The following CLCA4 variants were observed in gnomAD, a reference collection of about 807,000 sequenced individuals.
CLCA4 encodes chloride channel accessory 4.
CLCA4 carries 69 observed loss-of-function variants against 78.9 expected under a neutral mutation model. The observed-to-expected ratio is 0.87, with a 90% confidence interval of 0.72 to 1.07. CLCA4 has a LOEUF of 1.07. CLCA4 is among the 50% of genes least tolerant of loss of function. The probability of loss-of-function intolerance (pLI) is 0.00; values close to 1 mark genes in which losing one functional copy is unlikely to be tolerated. For synonymous variants in CLCA4, 362 were observed against 375.8 expected, an observed-to-expected ratio of 0.96 and a Z score of 0.42; for missense variants, 1,133 against 1,095.8, an observed-to-expected ratio of 1.03 and a Z score of -0.48.
chr1:86,565,182 G>C, intron 4 of CLCA4, 92 bp from the exon 5 acceptor site: 1 of 807,258 alleles, frequency 1.2e-6, no homozygotes, highest in Non-Finnish European at 2.0e-6. Context: ...TAAACATCTT[G>C]ATATAAAGTT....
intron 6 of CLCA4, among the ~76,000 whole-genome samples, chr1:86,566,888 G>C (rs1650207548): frequency 6.6e-6 from 1 of 152,058 alleles, no homozygotes; most frequent in Non-Finnish European, 1.5e-5. Flanking sequence ...GGGGCAGTGA[G>C]AGGTTAGGAA....
In CLCA4 at chr1:86,578,614, T is replaced by C. The variant is rs143748179; in HGVS notation, c.2122+542T>C. The stretch of plus-strand genomic sequence containing the variant: ...GGATAATGGCCTCCAGCTCCATCCA[T>C]GTTCCTGCAAAAGACATGATCTCAC... On this transcript the variant is annotated intron_variant, in intron 12 of 13. Coordinates refer to ENST00000370563, the MANE Select transcript of CLCA4 (RefSeq NM_012128.4). 1.3e-3 allele frequency among the ~76,000 whole-genome samples: 194 copies of C among 152,160 alleles called. 3 individuals are homozygous for C. In the East Asian group the frequency reaches 0.036, roughly 28 times the overall value.
chr1:86,565,545 A>G (rs1220813645), intron 5 of CLCA4, 94 bp downstream of exon 5: 34 of 987,266 alleles, frequency 3.4e-5, no homozygotes, highest in Non-Finnish European at 4.7e-5. Context: ...AGGATTATAT[A>G]TATTGATATA....
chr1:86,580,176 C>T lies in CLCA4; in HGVS notation c.2591C>T (p.Thr864Ile), dbSNP rs960992431. Residue 864 changes from threonine (T) to isoleucine (I), a missense_variant, in exon 14 of 14, where the codon ACT (threonine) becomes ATT (isoleucine). Transcript: ENST00000370563. ...TSKVSNIAQVTLFIPQANPDD... is the reference protein window; with the variant it reads ...TSKVSNIAQVILFIPQANPDD... ...AAAGTATCCAACATTGCACAAGTAA[C>T]TTTGTTTATCCCTCAAGCAAATCCT... 3.1e-6 allele frequency: 5 copies of T among 1,612,446 alleles called. No individual in the cohort carries two copies. The East Asian group carries it at 8.9e-5, about 29-fold the overall frequency.
chr1:86,580,304 T>C lies in CLCA4; in HGVS notation c.2719T>C (p.Ser907Pro). 1 of 1,605,904 alleles carries C rather than the reference T, an allele frequency of 6.2e-7. No homozygotes were observed. Residue 907 changes from serine (S) to proline (P), a missense_variant, in exon 14 of 14, where the codon TCT becomes CCT. Ser to Pro is a moderately conservative substitution (Grantham distance 74). Coordinates refer to ENST00000370563, the MANE Select transcript of CLCA4 (RefSeq NM_012128.4). ...ISTLVLSVIG[S>P]VVIVNFILST... The stretch of plus-strand genomic sequence containing the variant: ...TACGCTGGTATTGTCTGTGATTGGG[T>C]CTGTTGTAATTGTTAACTTTATTTT...
At chr1:86,571,395 T>C in intron 8 of CLCA4, 141 bp downstream of exon 8, 1 of 670,186 alleles carries the variant, frequency 1.5e-6, no homozygotes. Flanking sequence ...TCGTGGCACT[T>C]GGAGTCCAGT....
chr1:86,560,415 GCA>G, intron 3 of CLCA4, 57 bp downstream of exon 3: 1 of 1,580,444 alleles, frequency 6.3e-7, no homozygotes, highest in East Asian at 2.3e-5. Context: ...AACTTTTTAT[GCA>G]GGTTAAGTGT....
At chr1:86,574,842 G>A in intron 10 of CLCA4, 87 bp downstream of exon 10, 1 of 960,962 alleles carries the variant, frequency 1.0e-6, no homozygotes, top group Non-Finnish European at 1.6e-6. Context: ...AGTACCAAAG[G>A]CTGTATCAAC....
Position 86,565,798 on chromosome 1 carries a change from T to C in CLCA4, c.736-4T>C, listed in dbSNP as rs776312652. The C allele has an allele frequency of 6.7e-7, 1 of 1,491,076 alleles. No individual in the cohort carries two copies. Among genetic ancestry groups the C allele is most frequent in the Non-Finnish European group, 9.0e-7 (1 of 1,111,108 alleles). 92.4% of individuals were successfully genotyped at this position (1,491,076 alleles called of 1,614,324 possible). A position where few individuals can be genotyped will look rare whatever the true frequency, so the allele number is the denominator to read the frequency against. On this transcript the variant is annotated splice_polypyrimidine_tract_variant and splice_region_variant and intron_variant, in intron 5 of 13. Transcript: ENST00000370563. ...AATTATTTTTTATTTTATTAACCTT[T>C]TAGGTTGTTGAATTTTGTAACGAAA...
chr1:86,564,700 A>C lies in CLCA4; in HGVS notation c.558-574A>C, dbSNP rs1650125968. Among the ~76,000 whole-genome samples the C allele has an allele frequency of 2.0e-5, 3 of 152,172 alleles. No individual in the cohort carries two copies. In the South Asian group the frequency reaches 6.2e-4, roughly 32 times the overall value. ...GTTGTAATCACTGCCACCTGTGGTC[A>C]ATTACATTCCATAAAACATAGGTCT... On this transcript the variant is annotated intron_variant, in intron 4 of 13. Coordinates refer to ENST00000370563, the MANE Select transcript of CLCA4 (RefSeq NM_012128.4).
At chr1:86,573,119 C>T (rs975303788) in intron 9 of CLCA4, among the ~76,000 whole-genome samples, 6 of 151,916 alleles carry the variant, frequency 3.9e-5, no homozygotes, top group Non-Finnish European at 8.8e-5. Flanking sequence ...AACATGAACT[C>T]AAGAACCTGG....
Position 86,580,242 on chromosome 1 carries a change from C to T in CLCA4, c.2657C>T (p.Thr886Ile). Residue 886 changes from threonine to isoleucine, a missense_variant, in exon 14 of 14, where the codon ACT becomes ATT. Thr to Ile is a moderately conservative substitution (Grantham distance 89). Transcript: ENST00000370563. ...ACACCTACTCCTACTCCTACTCCTACTCCTGATAAAAGTCATAATTCTGGA... is the reference window on the plus strand; with the variant it reads ...ACACCTACTCCTACTCCTACTCCTATTCCTGATAAAAGTCATAATTCTGGA... ...DPTPTPTPTP[T>I]PDKSHNSGVN... 6.3e-7 allele frequency: 1 copy of T among 1,580,972 alleles called. No individual in the cohort carries two copies. The highest frequency in any genetic ancestry group is 8.7e-7 in the Non-Finnish European group (1 of 1,155,928).
rs528863436 is a variant in CLCA4 at position 86,560,129 on chromosome 1, C to T, written c.300+57C>T. On this transcript the variant is annotated intron_variant, in intron 2 of 13. Transcript: ENST00000370563. Reference sequence around the variant, plus strand: ...TATTTTCTGATATTAACCATTTTTGCCACAAATTATTTAAGAGTCTTTCTA... The same window carrying T: ...TATTTTCTGATATTAACCATTTTTGTCACAAATTATTTAAGAGTCTTTCTA... 4 of 1,551,974 alleles carry T rather than the reference C, an allele frequency of 2.6e-6. No individual in the cohort carries two copies. In the South Asian group the frequency reaches 3.7e-5, roughly 14 times the overall value.
intron 1 of CLCA4, among the ~76,000 whole-genome samples, chr1:86,557,676 G>T (rs1236898751): frequency 6.6e-6 from 1 of 152,154 alleles, no homozygotes; most frequent in African/African-American, 2.4e-5. Context: ...GTGATGAGAA[G>T]AATGTATATT....
At position 86,579,437 on chromosome 1, in the gene CLCA4, G is replaced by A. The variant is rs778586168; in HGVS notation, c.2206G>A (p.Gly736Arg). Residue 736 changes from glycine to arginine, a missense_variant, in exon 13 of 14, where the codon GGA becomes AGA. Gly to Arg is a moderately radical substitution (Grantham distance 125). Coordinates refer to ENST00000370563, the MANE Select transcript of CLCA4 (RefSeq NM_012128.4). ...TLEDFSRTAS[G>R]GAFVVSQVPS... Reference sequence around the variant, plus strand: ...GGAGGATTTCAGCCGAACAGCATCCGGAGGTGCATTTGTGGTATCACAAGT... The same window carrying A: ...GGAGGATTTCAGCCGAACAGCATCCAGAGGTGCATTTGTGGTATCACAAGT... 35 of 1,613,194 alleles carry A rather than the reference G, an allele frequency of 2.2e-5. No homozygotes were observed. The highest frequency in any genetic ancestry group is 1.3e-4 in the Admixed American group (8 of 59,892).
intron 1 of CLCA4, chr1:86,553,159 T>C: frequency 9.8e-7 from 1 of 1,015,818 alleles, no homozygotes; most frequent in South Asian, 1.3e-5. Flanking sequence ...CACGTGGCAA[T>C]GAGGATTGAG....
intron 6 of CLCA4, 90 bp downstream of exon 6, chr1:86,566,110 T>C: frequency 8.9e-7 from 1 of 1,119,196 alleles, no homozygotes; most frequent in Non-Finnish European, 1.3e-6. Flanking sequence ...TTGTTCTAAA[T>C]TGCATGGTGG....
Position 86,547,277 on chromosome 1 carries a change from A to T in CLCA4, c.158A>T (p.Glu53Val). 6.4e-7 allele frequency: 1 copy of T among 1,573,012 alleles called. No individual in the cohort carries two copies. The highest frequency in any genetic ancestry group is 8.6e-7 in the Non-Finnish European group (1 of 1,163,244). Reference sequence around the variant, plus strand: ...GATGAAAAAATAATTGAACAAATAGAGGTAAGAACAAAATGGAATATCTTT... The same window carrying T: ...GATGAAAAAATAATTGAACAAATAGTGGTAAGAACAAAATGGAATATCTTT... ...PEDEKIIEQI[E>V]DMVTTASTYL... Residue 53 changes from glutamate (E) to valine (V), a missense_variant and splice_region_variant, in exon 1 of 14, where the codon GAG becomes GTG. Physicochemically the swap from Glu to Val is moderately radical, Grantham distance 121. Coordinates refer to ENST00000370563, the MANE Select transcript of CLCA4 (RefSeq NM_012128.4).
chr1:86,562,537 A>C (rs1019226282), intron 3 of CLCA4, among the ~76,000 whole-genome samples: 1 of 151,212 alleles, frequency 6.6e-6, no homozygotes, highest in Non-Finnish European at 1.5e-5. Context: ...CCAGAACCAC[A>C]GTTTGAATAG....
Sources: gnomAD v4.1 joint callset for allele counts (sites outside exome capture counted in the v4.1 genomes callset) on GRCh38, gnomAD v4.1.1 for gene constraint, MANE v1.5 for transcripts, NCBI Gene and HGNC (gene_info 2026-07-23, HGNC 2026-07-21) for gene names.